Variants in KAZN observed in about 807,000 individuals in gnomAD.
KAZN encodes kazrin, periplakin interacting protein, also known as kazrin.
A neutral mutation model predicts 87.4 loss-of-function variants in KAZN; 40 were observed. The ratio of observed to expected loss-of-function variants is 0.46; its 90% CI spans 0.36 to 0.60. The LOEUF is 0.60. Among genes scored for constraint, KAZN ranks in the 20% least tolerant of loss-of-function variants. The probability of loss-of-function intolerance (pLI) is 0.00; values close to 1 mark genes in which losing one functional copy is unlikely to be tolerated. For missense variants in KAZN, 898 were observed against 1,073.9 expected, an observed-to-expected ratio of 0.84 and a Z score of 2.29; for synonymous variants, 466 against 458.3, an observed-to-expected ratio of 1.02 and a Z score of -0.22.
chr1:14,481,204 G>A (rs1669064832), intron 2 of KAZN, among the ~76,000 whole-genome samples: 2 of 151,988 alleles, frequency 1.3e-5, no homozygotes, highest in South Asian at 4.1e-4. Flanking sequence ...ATCTTCTTGG[G>A]CAATTTTCCT....
At chr1:13,958,346 G>A (rs894004600) in intron 1 of KAZN, among the ~76,000 whole-genome samples, 2 of 152,184 alleles carry the variant, frequency 1.3e-5, no homozygotes, top group African/African-American at 2.4e-5. Flanking sequence ...CGAGGCGGGC[G>A]GATCACGAGG....
intron 1 of KAZN, among the ~76,000 whole-genome samples, chr1:14,928,459 CA>C (rs34982134): frequency 1.4e-5 from 2 of 143,998 alleles, no homozygotes; most frequent in East Asian, 4.5e-4. Context: ...AAAAAAAAAA[CA>C]AAAAAAAAGA....
chr1:14,855,441 C>G (rs940204428), intron 1 of KAZN, among the ~76,000 whole-genome samples: 8 of 152,194 alleles, frequency 5.3e-5, no homozygotes, highest in African/African-American at 1.9e-4. Context: ...TCTGACTCCA[C>G]CCTTAAAAGC....
At chr1:14,697,765 C>A (rs1641698174) in intron 1 of KAZN, among the ~76,000 whole-genome samples, 2 of 152,226 alleles carry the variant, frequency 1.3e-5, no homozygotes, top group African/African-American at 4.8e-5. Flanking sequence ...TCACGTTTTC[C>A]TATGTTAAAA....
At chr1:14,745,238 C>A (rs1205853355) in intron 1 of KAZN, among the ~76,000 whole-genome samples, 10 of 131,302 alleles carry the variant, frequency 7.6e-5, no homozygotes, top group Non-Finnish European at 1.1e-4. Context: ...GTGAATGGGG[C>A]GTTTATCATT....
At chr1:14,500,569 G>T (rs1670182324) in intron 2 of KAZN, among the ~76,000 whole-genome samples, 1 of 151,678 alleles carries the variant, frequency 6.6e-6, no homozygotes, top group Non-Finnish European at 1.5e-5. Flanking sequence ...TAAACTCCAA[G>T]CAAGCAGAAG....
intron 1 of KAZN, among the ~76,000 whole-genome samples, chr1:14,824,113 CA>C (rs56851270): frequency 0.24 from 29,912 of 124,862 alleles, 3,503 homozygotes; most frequent in South Asian, 0.4. Flanking sequence ...GACTCCATCT[CA>C]AAAAAAAAAA....
At chr1:14,104,056 A>G (rs1644317129) in intron 1 of KAZN, among the ~76,000 whole-genome samples, 1 of 152,202 alleles carries the variant, frequency 6.6e-6, no homozygotes, top group Admixed American at 6.5e-5. Context: ...GACAGCGAAG[A>G]CACTGCAACA....
rs908506175 is a variant in KAZN, at chr1:14,602,351, A to G, written c.226+3128A>G. ...TCTCCCTCCTGCAACTGAGTTGGAT[A>G]ATCCTTAATGAGAATGCTGGCGTAC... On this transcript the variant is annotated intron_variant, in intron 1 of 14. Coordinates refer to ENST00000376030, the MANE Select transcript of KAZN (RefSeq NM_201628.3). 4.6e-5 allele frequency among the ~76,000 whole-genome samples: 7 copies of G among 152,310 alleles called. No individual in the cohort carries two copies. The South Asian group carries it at 1.5e-3, about 32-fold the overall frequency.
chr1:14,231,208 G>C (rs905874047), intron 2 of KAZN, among the ~76,000 whole-genome samples: 1 of 152,108 alleles, frequency 6.6e-6, no homozygotes, highest in Non-Finnish European at 1.5e-5. Flanking sequence ...GAAATACATG[G>C]ATCAAAGCCA....
At chr1:14,675,362 T>A (rs1040068688) in intron 1 of KAZN, among the ~76,000 whole-genome samples, 1 of 152,260 alleles carries the variant, frequency 6.6e-6, no homozygotes, top group African/African-American at 2.4e-5. Flanking sequence ...CCCTCAGACA[T>A]CTGGTAGGAA....
chr1:14,595,910 C>G (rs964949905), upstream of KAZN, among the ~76,000 whole-genome samples: 2 of 151,918 alleles, frequency 1.3e-5, no homozygotes, highest in African/African-American at 4.8e-5. Flanking sequence ...CTAGGAGGCA[C>G]CCCAGGAGTT....
intron 1 of KAZN, among the ~76,000 whole-genome samples, chr1:14,003,914 G>A (rs1639924353): frequency 6.6e-6 from 1 of 152,070 alleles, no homozygotes; most frequent in Admixed American, 6.5e-5. Context: ...TTCTTCAACA[G>A]ATACTATTAA....
intron 3 of KAZN, among the ~76,000 whole-genome samples, chr1:15,037,584 CATT>C (rs1557740560): frequency 6.6e-6 from 1 of 151,778 alleles, no homozygotes; most frequent in Non-Finnish European, 1.5e-5. Flanking sequence ...TGCCTGCTAC[CATT>C]ATTATTATCA....
rs188287367 is a variant in KAZN at position 14,338,840 on chromosome 1, C to T, written c.249+158248C>T. On this transcript the variant is annotated intron_variant, in intron 2 of 16. Transcript: ENST00000636203. Reference sequence around the variant, plus strand: ...AAAAATGTCCTTTCTGTCTAGCACACTTTTAATTGAGTTTTATGTTGCTCG... The same window carrying T: ...AAAAATGTCCTTTCTGTCTAGCACATTTTTAATTGAGTTTTATGTTGCTCG... 4.6e-5 allele frequency among the ~76,000 whole-genome samples: 7 copies of T among 152,310 alleles called. No homozygotes were observed. The East Asian group carries it at 1.2e-3, about 25-fold the overall frequency.
chr1:14,920,276 GTTT>G (rs55641056), intron 1 of KAZN, among the ~76,000 whole-genome samples: 5 of 94,150 alleles, frequency 5.3e-5, no homozygotes, highest in Admixed American at 1.4e-4. Flanking sequence ...CCTCTTTTCT[GTTT>G]TTTTTTTTTT....
At chr1:13,951,724 C>A (rs1273031967) in intron 1 of KAZN, among the ~76,000 whole-genome samples, 1 of 152,018 alleles carries the variant, frequency 6.6e-6, no homozygotes, top group Non-Finnish European at 1.5e-5. Flanking sequence ...ATGGCCAGCA[C>A]AGGGTTGCTG....
chr1:15,012,846 G>T (rs899734557), intron 2 of KAZN, among the ~76,000 whole-genome samples: 4 of 152,076 alleles, frequency 2.6e-5, no homozygotes, highest in Non-Finnish European at 5.9e-5. Context: ...CACTTGAACT[G>T]GGGAGGCAGA....
chr1:14,957,595 C>T (rs773136549), intron 1 of KAZN, among the ~76,000 whole-genome samples: 5 of 152,312 alleles, frequency 3.3e-5, no homozygotes, highest in African/African-American at 4.8e-5. Context: ...GTGCTGTTGA[C>T]GCTGGACAGG....
Sources: allele counts gnomAD v4.1 joint callset (sites outside exome capture counted in the v4.1 genomes callset), GRCh38; gene constraint gnomAD v4.1.1; transcripts MANE v1.5; gene names NCBI Gene and HGNC (gene_info 2026-07-23, HGNC 2026-07-21).